Variants in NRXN3 observed in about 807,000 individuals in gnomAD.
NRXN3 encodes the protein neurexin 3.
Under a neutral mutation model 137.6 loss-of-function variants are expected in NRXN3, and 32 were observed. The observed-to-expected ratio is 0.23, with a 90% confidence interval of 0.18 to 0.31. NRXN3 has a LOEUF of 0.31. NRXN3 is among the 10% of genes least tolerant of loss of function. The pLI, the probability that NRXN3 is intolerant of heterozygous loss-of-function variation, is 1.00. For synonymous variants in NRXN3, 798 were observed against 784.5 expected, an observed-to-expected ratio of 1.02 and a Z score of -0.29; for missense variants, 1,574 against 2,062.5, an observed-to-expected ratio of 0.76 and a Z score of 4.59.
At chr14:79,637,307 T>C (rs1298730236) in intron 16 of NRXN3, among the ~76,000 whole-genome samples, 1 of 152,192 alleles carries the variant, frequency 6.6e-6, no homozygotes, top group African/African-American at 2.4e-5. Flanking sequence ...ATTATTGTTA[T>C]TGTTATTATT....
intron 20 of NRXN3, among the ~76,000 whole-genome samples, chr14:79,810,815 G>A (rs2099229722): frequency 6.6e-6 from 1 of 152,186 alleles, no homozygotes; most frequent in Non-Finnish European, 1.5e-5. Context: ...GGTAGAAAAT[G>A]CAGCTGAAAT....
At chr14:79,221,780 G>T (rs2069747328) in intron 15 of NRXN3, among the ~76,000 whole-genome samples, 1 of 152,012 alleles carries the variant, frequency 6.6e-6, no homozygotes, top group African/African-American at 2.4e-5. Context: ...GTCAATTTTG[G>T]CTTTTGTTGC....
intron 15 of NRXN3, among the ~76,000 whole-genome samples, chr14:79,016,628 A>C (rs1475403247): frequency 6.6e-6 from 1 of 152,166 alleles, no homozygotes; most frequent in Non-Finnish European, 1.5e-5. Context: ...ACAAAAGAAG[A>C]GATTCCAGAT....
In NRXN3 at chr14:79,225,385, C is replaced by T. The variant is rs571558924; in HGVS notation, c.3262+237244C>T. ...CTTGGCCATAGGATAGCCTCATGTGCACTTAGCTCAATGTTACTCTGAGTT... is the reference window on the plus strand; with the variant it reads ...CTTGGCCATAGGATAGCCTCATGTGTACTTAGCTCAATGTTACTCTGAGTT... On this transcript the variant is annotated intron_variant, in intron 15 of 20. Coordinates refer to ENST00000335750, the MANE Select transcript of NRXN3 (RefSeq NM_001330195.2). 4.6e-5 allele frequency among the ~76,000 whole-genome samples: 7 copies of T among 152,252 alleles called. No individual in the cohort carries two copies. The South Asian group carries it at 1.5e-3, about 32-fold the overall frequency.
At chr14:79,094,968 G>C in intron 15 of NRXN3, among the ~76,000 whole-genome samples, 1 of 102,586 alleles carries the variant, frequency 9.7e-6, no homozygotes, top group African/African-American at 3.1e-5. Flanking sequence ...GAGAGAGAGA[G>C]AGAGAGAGAG....
chr14:78,838,322 A>G (rs539483813), intron 10 of NRXN3, among the ~76,000 whole-genome samples: 1 of 152,288 alleles, frequency 6.6e-6, no homozygotes, highest in South Asian at 2.1e-4. Flanking sequence ...TAAAAATATT[A>G]CCTCGTTCTT....
At chr14:79,080,437 T>A (rs908871401) in intron 15 of NRXN3, among the ~76,000 whole-genome samples, 4 of 152,184 alleles carry the variant, frequency 2.6e-5, no homozygotes, top group Non-Finnish European at 4.4e-5. Flanking sequence ...ATGGAGACTC[T>A]TTGAGAAGGA....
At chr14:79,065,674 C>T (rs1355411800) in intron 15 of NRXN3, among the ~76,000 whole-genome samples, 2 of 152,076 alleles carry the variant, frequency 1.3e-5, no homozygotes, top group South Asian at 4.1e-4. Context: ...CTTGTTCTCT[C>T]TCCTCTTCTT....
chr14:79,595,548 G>A (rs1455346762), intron 16 of NRXN3, among the ~76,000 whole-genome samples: 1 of 151,998 alleles, frequency 6.6e-6, no homozygotes, highest in Admixed American at 6.5e-5. Context: ...CTCAAGCAGT[G>A]TAAAATAGTT....
At chr14:79,280,309 C>T (rs376178472) in intron 15 of NRXN3, 64 of 1,613,976 alleles carry the variant, frequency 4.0e-5, no homozygotes, top group Non-Finnish European at 5.0e-5. Context: ...TGAGAATCCA[C>T]GCGAGACGGA....
intron 8 of NRXN3, chr14:78,745,457 C>T (rs147903236): frequency 3.9e-5 from 6 of 152,308 alleles, no homozygotes; most frequent in African/African-American, 1.4e-4. Flanking sequence ...TCCATATTAC[C>T]ACAGAGAGTT....
At chr14:78,981,436 CTT>C (rs894460645) in intron 14 of NRXN3, among the ~76,000 whole-genome samples, 15 of 152,188 alleles carry the variant, frequency 9.9e-5, no homozygotes, top group Non-Finnish European at 1.9e-4. Flanking sequence ...CACCCTCTCA[CTT>C]GCCACCTATG....
chr14:79,171,670 T>A (rs547526361), intron 15 of NRXN3, among the ~76,000 whole-genome samples: 1 of 152,314 alleles, frequency 6.6e-6, no homozygotes, highest in South Asian at 2.1e-4. Flanking sequence ...AGTATTTAAG[T>A]GTGTCAGAAC....
intron 4 of NRXN3, among the ~76,000 whole-genome samples, chr14:78,522,970 A>G (rs1203761971): frequency 2.0e-5 from 3 of 152,234 alleles, no homozygotes; most frequent in Non-Finnish European, 4.4e-5. Flanking sequence ...ATGTGAATTC[A>G]TAGTGTTTTT....
chr14:78,812,775 A>G (rs1269953130), intron 10 of NRXN3, among the ~76,000 whole-genome samples: 1 of 152,262 alleles, frequency 6.6e-6, no homozygotes, highest in African/African-American at 2.4e-5. Context: ...TCAATTCAAT[A>G]CTTACATAAA....
At chr14:79,301,586 A>G (rs1274991026) in intron 15 of NRXN3, among the ~76,000 whole-genome samples, 3 of 152,064 alleles carry the variant, frequency 2.0e-5, no homozygotes, top group Non-Finnish European at 4.4e-5. Context: ...AGATTTTTCT[A>G]TTAGCTGCAA....
chr14:78,309,197 T>C (rs1004359067), intron 4 of NRXN3, among the ~76,000 whole-genome samples: 4 of 152,128 alleles, frequency 2.6e-5, no homozygotes, highest in Non-Finnish European at 5.9e-5. Flanking sequence ...CTGGGTGAAT[T>C]TGAGGAAGTT....
At chr14:78,196,909 G>C (rs140784600) in intron 1 of NRXN3, among the ~76,000 whole-genome samples, 44 of 152,316 alleles carry the variant, frequency 2.9e-4, no homozygotes, top group South Asian at 6.2e-4. Context: ...CCTAGCTCAA[G>C]CTGGGAATAT....
chr14:79,109,481 C>G (rs572147545), intron 15 of NRXN3, among the ~76,000 whole-genome samples: 1 of 152,256 alleles, frequency 6.6e-6, no homozygotes, highest in African/African-American at 2.4e-5. Flanking sequence ...AGGAATAACT[C>G]AGTATGACAA....
Sources: gnomAD v4.1 joint callset for allele counts (sites outside exome capture counted in the v4.1 genomes callset) on GRCh38, gnomAD v4.1.1 for gene constraint, MANE v1.5 for transcripts, NCBI Gene and HGNC (gene_info 2026-07-23, HGNC 2026-07-21) for gene names.